The following CHMP6 variants were observed in gnomAD, a reference collection of about 807,000 sequenced individuals.
CHMP6 encodes the protein chromatin-modifying protein 6.
CHMP6 carries 10 observed loss-of-function variants against 32.8 expected under a neutral mutation model. The observed-to-expected ratio is 0.30, with a 90% CI of 0.19 to 0.52. The LOEUF (loss-of-function observed/expected upper bound fraction) is 0.52, where lower values mean the gene tolerates loss of function less well. Ranked by LOEUF, CHMP6 falls within the 20% of genes least tolerant of loss-of-function variation. CHMP6 has a pLI of 0.97. For synonymous variants in CHMP6, 123 were observed against 105.8 expected (o/e 1.16, Z -1.00); for missense variants, 269 against 263.8 (o/e 1.02, Z -0.14).
At position 80,991,959 on chromosome 17, in the gene CHMP6, C is replaced by T; in HGVS notation, c.41C>T (p.Thr14Met). Residue 14 changes from threonine to methionine, a missense_variant, in exon 1 of 8, where the codon ACG becomes ATG. By Grantham distance (81) the Thr-to-Met change is moderately conservative. Transcript: ENST00000325167. ...GGCCGCAAGAAGCAGAGCCGCGTCA[C>T]GGAGCAGGACAAGGCCATCCTGGTG... is the stretch of plus-strand genomic sequence containing the variant. ...LFGRKKQSRV[T>M]EQDKAILQLK... is the part of the protein sequence containing the mutation. 6.8e-7 allele frequency: 1 copy of T among 1,460,642 alleles called. No individual in the cohort carries two copies. Among genetic ancestry groups the T allele is most frequent in the African/African-American group, 1.5e-5 (1 of 67,932 alleles). 90.5% of individuals were successfully genotyped at this position (1,460,642 alleles called of 1,614,324 possible). A position where few individuals can be genotyped will look rare whatever the true frequency, so the allele number is the denominator to read the frequency against.
chr17:80,998,691 C>T (rs562597429), intron 7 of CHMP6: 520 of 1,382,826 alleles, frequency 3.8e-4, no homozygotes, highest in Middle Eastern at 8.2e-4. Flanking sequence ...TCTTTAGCAG[C>T]ACCAGCTCAT....
In CHMP6 at chr17:80,995,014, T is replaced by C; in HGVS notation, c.174-5T>C. 2 of 1,590,018 alleles carry C rather than the reference T, an allele frequency of 1.3e-6. No individual in the cohort carries two copies. Among genetic ancestry groups the C allele is most frequent in the Non-Finnish European group, 8.5e-7 (1 of 1,170,454 alleles). On this transcript the variant is annotated splice_region_variant and splice_polypyrimidine_tract_variant and intron_variant, in intron 2 of 7. Coordinates refer to ENST00000325167, the MANE Select transcript of CHMP6 (RefSeq NM_024591.5). ...AGCGGGTCACTCTCGGGCTTCCCTCTGCAGACGGGCCAAGCTGCTGCTCAA... is the reference window on the plus strand; with the variant it reads ...AGCGGGTCACTCTCGGGCTTCCCTCCGCAGACGGGCCAAGCTGCTGCTCAA...
At chr17:80,994,290 C>T (rs558732444) in intron 1 of CHMP6, among the ~76,000 whole-genome samples, 2 of 152,280 alleles carry the variant, frequency 1.3e-5, no homozygotes, top group East Asian at 3.9e-4. Context: ...CAGGCAGCCT[C>T]GAGGGTGGAC....
Position 80,994,731 on chromosome 17 carries a change from G to A in CHMP6, c.173+41G>A, listed in dbSNP as rs1457969239. The stretch of plus-strand genomic sequence containing the variant: ...GCAGCGTGGGCACCCTGTCGGCTGG[G>A]GTGGGGGGCCCGGGCAGCGTGGGCA... On this transcript the variant is annotated intron_variant, in intron 2 of 7. Transcript: ENST00000325167. 20 of 1,255,174 alleles carry A rather than the reference G, an allele frequency of 1.6e-5. 1 individual carries two copies. Among genetic ancestry groups the A allele is most frequent in the African/African-American group, 6.3e-5 (4 of 63,536 alleles). The allele number at this position is 1,255,174 out of a possible 1,614,324, so 77.8% of individuals were successfully genotyped here.
chr17:80,997,383 G>GGGACCCCCAGAGCTC (rs2069648059), intron 6 of CHMP6, 42 bp downstream of exon 6: 1 of 1,568,516 alleles, frequency 6.4e-7, no homozygotes, highest in African/African-American at 1.4e-5. Flanking sequence ...CTCAGGCAGC[G>GGGACCCCCAGAGCTC]GGACCCCCAG....
chr17:80,997,245 G>A lies in CHMP6; in HGVS notation c.415-16G>A, dbSNP rs1205141480. On this transcript the variant is annotated splice_polypyrimidine_tract_variant and intron_variant, in intron 5 of 7. Coordinates refer to ENST00000325167, the MANE Select transcript of CHMP6 (RefSeq NM_024591.5). ...CCACCTCCTCGCTGCTCTCACCACC[G>A]CCTGTCCTTTTGCAGCAAATAGACG... 2.5e-6 allele frequency: 4 copies of A among 1,607,390 alleles called. No homozygotes were observed. The highest frequency in any genetic ancestry group is 3.4e-6 in the Non-Finnish European group (4 of 1,176,366).
At chr17:80,995,793 G>A (rs2069633174) in intron 4 of CHMP6, 35 bp downstream of exon 4, 1 of 1,594,058 alleles carries the variant, frequency 6.3e-7, no homozygotes, top group African/African-American at 1.3e-5. Context: ...ATGGAGGTGT[G>A]GGGAGCCCAT....
At position 80,998,190 on chromosome 17, in the gene CHMP6, G is replaced by T. The variant is rs566582725; in HGVS notation, c.496-176G>T. Among the ~76,000 whole-genome samples the T allele has an allele frequency of 9.8e-5, 15 of 152,332 alleles. No individual in the cohort carries two copies. The South Asian group carries it at 3.1e-3, about 32-fold the overall frequency. On this transcript the variant is annotated intron_variant, in intron 6 of 7. Transcript: ENST00000325167. ...CTGCGTCACCACCTAGGGGATTCTGGTGGCACCAGAAGCCGGGGCGGTTGC... is the reference window on the plus strand; with the variant it reads ...CTGCGTCACCACCTAGGGGATTCTGTTGGCACCAGAAGCCGGGGCGGTTGC...
In CHMP6 at chr17:80,995,838, C is replaced by T; in HGVS notation, c.348+80C>T. The T allele has an allele frequency of 3.8e-6, 5 of 1,309,594 alleles. No homozygotes were observed. The South Asian group carries it at 4.9e-5, about 13-fold the overall frequency. The allele number at this position is 1,309,594 out of a possible 1,614,324, so 81.1% of individuals were successfully genotyped here. A position where few individuals can be genotyped will look rare whatever the true frequency, so the allele number is the denominator to read the frequency against. ...GCTGGGGATAGGGCGGGGGGCTTGT[C>T]CCACGGTGTTCGTGTCAGACACAGG... On this transcript the variant is annotated intron_variant, in intron 4 of 7. Coordinates refer to ENST00000325167, the MANE Select transcript of CHMP6 (RefSeq NM_024591.5).
At chr17:80,992,879 T>A (rs1180649561) in intron 1 of CHMP6, among the ~76,000 whole-genome samples, 1 of 152,230 alleles carries the variant, frequency 6.6e-6, no homozygotes, top group Non-Finnish European at 1.5e-5. Flanking sequence ...CAGAAATAGG[T>A]TAATTTTATA....
intron 4 of CHMP6, among the ~76,000 whole-genome samples, chr17:80,996,294 GGAT>G (rs1372733453): frequency 6.6e-6 from 1 of 151,456 alleles, no homozygotes; most frequent in Non-Finnish European, 1.5e-5. Flanking sequence ...ACTCCAGCCT[GGAT>G]GATAAGAGCA....
intron 1 of CHMP6, among the ~76,000 whole-genome samples, chr17:80,994,361 C>T (rs1277486842): frequency 6.6e-6 from 1 of 152,214 alleles, no homozygotes; most frequent in Non-Finnish European, 1.5e-5. Flanking sequence ...TCCGGGTGAC[C>T]CTCTGGTGGG....
At chr17:80,998,589 G>A (rs1353754588) in intron 7 of CHMP6, 169 bp downstream of exon 7, 2 of 1,473,984 alleles carry the variant, frequency 1.4e-6, no homozygotes, top group South Asian at 2.7e-5. Context: ...TTGGGCTTGG[G>A]TTTCCCAGGG....
At chr17:80,993,357 G>A (rs1015722221) in intron 1 of CHMP6, among the ~76,000 whole-genome samples, 1 of 152,136 alleles carries the variant, frequency 6.6e-6, no homozygotes, top group Non-Finnish European at 1.5e-5. Flanking sequence ...GGGGCAGCCT[G>A]GCCACACCTG....
intron 6 of CHMP6, 149 bp downstream of exon 6, chr17:80,997,490 G>A (rs142456259): frequency 1.2e-5 from 6 of 513,076 alleles, no homozygotes; most frequent in East Asian, 9.1e-5. Context: ...CCTACCTGAG[G>A]TGACTCTGTT....
chr17:80,996,878 C>T (rs932510796), intron 4 of CHMP6, 129 bp from the exon 5 acceptor site: 3 of 980,584 alleles, frequency 3.1e-6, no homozygotes, highest in South Asian at 3.6e-5. Flanking sequence ...ACAGCCAGAC[C>T]TTGTCTTTAA....
chr17:80,995,860 C>A, intron 4 of CHMP6, 102 bp downstream of exon 4: 1 of 1,040,298 alleles, frequency 9.6e-7, no homozygotes, highest in Non-Finnish European at 1.4e-6. Flanking sequence ...GTGTCAGACA[C>A]AGGGCAAGAG....
At chr17:80,993,373 C>T (rs893185549) in intron 1 of CHMP6, among the ~76,000 whole-genome samples, 1 of 152,170 alleles carries the variant, frequency 6.6e-6, no homozygotes, top group Non-Finnish European at 1.5e-5. Context: ...ACCTGCCTGC[C>T]TTTGGCCCCT....
intron 1 of CHMP6, among the ~76,000 whole-genome samples, chr17:80,992,951 C>T (rs950036827): frequency 5.4e-4 from 82 of 152,302 alleles, no homozygotes; most frequent in African/African-American, 1.9e-3. Flanking sequence ...AGTCCATAAG[C>T]TGTGAAAAGA....
Sources: allele counts gnomAD v4.1 joint callset (sites outside exome capture counted in the v4.1 genomes callset), GRCh38; gene constraint gnomAD v4.1.1; transcripts MANE v1.5; gene names NCBI Gene and HGNC (gene_info 2026-07-23, HGNC 2026-07-21).